RGS22: variants seen among roughly 807,000 people sequenced by gnomAD.
RGS22 encodes the protein regulator of G-protein signaling 22.
Under a neutral mutation model 172.9 loss-of-function variants are expected in RGS22, and 148 were observed. That is an observed-to-expected ratio of 0.86 (90% confidence interval 0.75 to 0.98). RGS22 has a LOEUF of 0.98. Among genes scored for constraint, RGS22 ranks in the 50% least tolerant of loss-of-function variants. The pLI, the probability that RGS22 is intolerant of heterozygous loss-of-function variation, is 0.00. For missense variants in RGS22, 1,347 were observed against 1,440.8 expected (o/e 0.93, Z 1.05); for synonymous variants, 458 against 480.2 (o/e 0.95, Z 0.60).
At chr8:100,077,841 AT>A (rs1203330231) in intron 4 of RGS22, among the ~76,000 whole-genome samples, 15 of 152,074 alleles carry the variant, frequency 9.9e-5, no homozygotes, top group Admixed American at 1.3e-4. Flanking sequence ...ATAACTATAA[AT>A]TTATCTATTT....
chr8:100,031,424 G>A (rs898240091), intron 14 of RGS22, among the ~76,000 whole-genome samples: 2 of 152,066 alleles, frequency 1.3e-5, no homozygotes, highest in Non-Finnish European at 2.9e-5. Flanking sequence ...TGGTAAAAGT[G>A]CTGTGGATTT....
intron 4 of RGS22, among the ~76,000 whole-genome samples, chr8:100,075,283 T>C (rs1811270546): frequency 6.6e-6 from 1 of 152,132 alleles, no homozygotes. Context: ...CTCATGGTAA[T>C]AAGTGAGTTC....
intron 14 of RGS22, among the ~76,000 whole-genome samples, chr8:100,016,333 C>T (rs562031132): frequency 4.6e-5 from 7 of 151,734 alleles, no homozygotes; most frequent in Middle Eastern, 3.4e-3. Context: ...ATGAACTAAA[C>T]GATTGCACCT....
chr8:100,053,021 C>G lies in RGS22; in HGVS notation c.1515-45G>C, dbSNP rs114770003. The G allele has an allele frequency of 8.4e-4, 1,311 of 1,554,230 alleles. 10 individuals are homozygous for G. The African/African-American group carries it at 0.016, about 19-fold the overall frequency. On this transcript the variant is annotated intron_variant, in intron 9 of 27. Coordinates refer to ENST00000360863, the MANE Select transcript of RGS22 (RefSeq NM_015668.5). ...ATGTAAGATTGAACTAAACAACAAG[C>G]CTCAAAAATGAAAAGCCTACAAAAT...
chr8:100,014,191 T>A (rs1249164824), intron 14 of RGS22, among the ~76,000 whole-genome samples: 2 of 152,218 alleles, frequency 1.3e-5, no homozygotes, highest in African/African-American at 4.8e-5. Context: ...TTTCCAATCC[T>A]AAGCCATTCA....
At position 99,965,207 on chromosome 8, in the gene RGS22, T is replaced by C. The variant is rs535814693; in HGVS notation, c.3615+128A>G. On this transcript the variant is annotated intron_variant, in intron 24 of 27. Coordinates refer to ENST00000360863, the MANE Select transcript of RGS22 (RefSeq NM_015668.5). ...CAAAGAAACTCCCTTCAATCTCTCC[T>C]ACTATTATAATTGTAGGCTTATTTT... 1.2e-3 allele frequency: 619 copies of C among 508,776 alleles called. 2 individuals carry two copies. The highest frequency in any genetic ancestry group is 3.0e-3 in the South Asian group (61 of 20,544). The allele number at this position is 508,776 out of a possible 1,614,324, so 31.5% of individuals were successfully genotyped here.
intron 14 of RGS22, among the ~76,000 whole-genome samples, chr8:100,034,880 G>A (rs1317070730): frequency 6.6e-6 from 1 of 152,150 alleles, no homozygotes; most frequent in Non-Finnish European, 1.5e-5. Context: ...TTAATAAATG[G>A]TGCTGGGAAA....
chr8:100,025,856 G>A (rs1818119122), intron 14 of RGS22, among the ~76,000 whole-genome samples: 1 of 152,176 alleles, frequency 6.6e-6, no homozygotes, highest in South Asian at 2.1e-4. Flanking sequence ...TACGGGGGAG[G>A]AGCTACATAG....
intron 20 of RGS22, among the ~76,000 whole-genome samples, chr8:99,990,092 C>A (rs1196318514): frequency 6.6e-6 from 1 of 152,014 alleles, no homozygotes; most frequent in African/African-American, 2.4e-5. Context: ...AAGAAAAATA[C>A]ATACTTAAGG....
Position 100,063,652 on chromosome 8 carries a change from A to G in RGS22, c.1116T>C (p.Thr372=), listed in dbSNP as rs765571696. The G allele has an allele frequency of 4.3e-6, 7 of 1,613,948 alleles. No homozygotes were observed. The South Asian group carries it at 7.7e-5, about 18-fold the overall frequency. The part of the protein sequence containing the change: ...GKNFLSELVQ[T]TKERSEEIEQ... ...CTATCTCTTCTGACCTCTCCTTTGT[A>G]GTTTGAACTAATTCACTTAAAAAAT... is the stretch of plus-strand genomic sequence containing the variant. The change falls in exon 8 of 28, where the codon ACT becomes ACC. Residue 372 remains threonine (T), a synonymous_variant. Transcript: ENST00000360863.
intron 14 of RGS22, among the ~76,000 whole-genome samples, chr8:100,028,782 A>G (rs1818452168): frequency 6.6e-6 from 1 of 152,322 alleles, no homozygotes; most frequent in East Asian, 1.9e-4. Context: ...GAATTATTGA[A>G]TACTATAGCA....
At chr8:99,993,545 C>T (rs1170152715) in intron 20 of RGS22, among the ~76,000 whole-genome samples, 2 of 152,138 alleles carry the variant, frequency 1.3e-5, no homozygotes, top group East Asian at 3.8e-4. Flanking sequence ...GACACATACA[C>T]TCTCCCAAGA....
At chr8:100,066,400 T>A in intron 6 of RGS22, 104 bp from the exon 7 acceptor site, 1 of 832,056 alleles carries the variant, frequency 1.2e-6, no homozygotes, top group Non-Finnish European at 1.8e-6. Flanking sequence ...CACAGTACAA[T>A]ATGTAAAGTG....
chr8:100,060,402 G>GTATATATATATATGTATATATATATA, intron 9 of RGS22, among the ~76,000 whole-genome samples: 1 of 102,984 alleles, frequency 9.7e-6, no homozygotes, highest in East Asian at 3.1e-4. Flanking sequence ...TTAGCTACGT[G>GTATATATATATATGTATATATATATA]TATATATATA....
At position 100,105,989 on chromosome 8, in the gene RGS22, G is replaced by T; in HGVS notation, c.-68C>A. On this transcript the variant is annotated 5_prime_UTR_variant, in exon 1 of 28. Coordinates refer to ENST00000360863, the MANE Select transcript of RGS22 (RefSeq NM_015668.5). ...GGGCCCTAGCGCGCGGGTCCAGCGC[G>T]GGTCAGGGCCTGAGCGACGCGGCGA... 2 of 1,312,388 alleles carry T rather than the reference G, an allele frequency of 1.5e-6. No homozygotes were observed. The highest frequency in any genetic ancestry group is 1.9e-6 in the Non-Finnish European group (2 of 1,035,088). 81.3% of individuals were successfully genotyped at this position (1,312,388 alleles called of 1,614,324 possible).
intron 8 of RGS22, 51 bp from the exon 9 acceptor site, chr8:100,062,803 C>A: frequency 7.2e-7 from 1 of 1,389,490 alleles, no homozygotes; most frequent in South Asian, 1.3e-5. Context: ...GTAGAATATT[C>A]AACTACCAAA....
intron 14 of RGS22, among the ~76,000 whole-genome samples, chr8:100,021,364 G>T (rs1312330312): frequency 6.6e-6 from 1 of 152,126 alleles, no homozygotes; most frequent in African/African-American, 2.4e-5. Flanking sequence ...ATTCTGAATA[G>T]TCCTTATTTA....
At chr8:100,011,473 C>G (rs1816378836) in intron 14 of RGS22, among the ~76,000 whole-genome samples, 1 of 152,194 alleles carries the variant, frequency 6.6e-6, no homozygotes, top group Non-Finnish European at 1.5e-5. Flanking sequence ...TTTTGTGCAG[C>G]AGTCCTCTGC....
intron 9 of RGS22, 112 bp downstream of exon 9, chr8:100,062,479 T>C (rs2131782028): frequency 2.9e-6 from 2 of 690,378 alleles, no homozygotes; most frequent in East Asian, 2.9e-5. Context: ...AAAGATACAA[T>C]AGTCTTGTCA....
Sources: gnomAD v4.1 joint callset for allele counts (sites outside exome capture counted in the v4.1 genomes callset) on GRCh38, gnomAD v4.1.1 for gene constraint, MANE v1.5 for transcripts, NCBI Gene and HGNC (gene_info 2026-07-23, HGNC 2026-07-21) for gene names.